The following NDST3 variants were observed in gnomAD, a reference collection of about 807,000 sequenced individuals.
The protein encoded by NDST3 is bifunctional heparan sulfate N-deacetylase/N-sulfotransferase 3.
In NDST3, 58 loss-of-function variants were observed where a neutral mutation model predicts 96.1. The ratio of observed to expected loss-of-function variants is 0.60; its 90% CI spans 0.49 to 0.75. The LOEUF is 0.75. Among genes scored for constraint, NDST3 ranks in the 30% least tolerant of loss-of-function variants. The probability of loss-of-function intolerance (pLI) is 0.00; values close to 1 mark genes in which losing one functional copy is unlikely to be tolerated. For missense variants in NDST3, 788 were observed against 1,034.2 expected, an observed-to-expected ratio of 0.76 and a Z score of 3.27; for synonymous variants, 333 against 359.7, an observed-to-expected ratio of 0.93 and a Z score of 0.84.
At chr4:118,141,453 T>A (rs1025696089) in intron 5 of NDST3, among the ~76,000 whole-genome samples, 45 of 152,274 alleles carry the variant, frequency 3.0e-4, no homozygotes, top group African/African-American at 1.1e-3. Flanking sequence ...CTCTATGGGG[T>A]TCATACCCTC....
At chr4:118,202,087 G>A (rs35760279) in intron 6 of NDST3, among the ~76,000 whole-genome samples, 78,565 of 152,026 alleles carry the variant, frequency 0.52, 24,184 homozygotes, top group East Asian at 0.74. Context: ...TTGAAGATCA[G>A]ATTGTGGTAG....
chr4:118,067,393 T>C (rs1726680165), intron 2 of NDST3, among the ~76,000 whole-genome samples: 1 of 152,088 alleles, frequency 6.6e-6, no homozygotes, highest in Non-Finnish European at 1.5e-5. Flanking sequence ...TCCCAGTCTA[T>C]GTCATTTCTT....
At chr4:118,201,111 A>G (rs1343640857) in intron 6 of NDST3, among the ~76,000 whole-genome samples, 1 of 152,228 alleles carries the variant, frequency 6.6e-6, no homozygotes, top group African/African-American at 2.4e-5. Context: ...TGCAAAGGCC[A>G]TGATTTCATT....
chr4:118,053,955 C>A lies in NDST3; in HGVS notation c.45C>A (p.Val15=). The A allele has an allele frequency of 6.2e-7, 1 of 1,611,428 alleles. No individual in the cohort carries two copies. The highest frequency in any genetic ancestry group is 1.1e-5 in the South Asian group (1 of 90,732). Residue 15 remains valine, a synonymous_variant, in exon 2 of 14, where the codon GTC becomes GTA. Transcript: ENST00000296499. ...MKLHRHFQRT[V]ILLATFCMVS... ...TTCACAGACACTTTCAAAGAACAGTCATTCTGCTTGCCACTTTTTGTATGG... is the reference window on the plus strand; with the variant it reads ...TTCACAGACACTTTCAAAGAACAGTAATTCTGCTTGCCACTTTTTGTATGG...
At chr4:118,173,440 T>G (rs1036367308) in intron 6 of NDST3, among the ~76,000 whole-genome samples, 1 of 152,124 alleles carries the variant, frequency 6.6e-6, no homozygotes, top group African/African-American at 2.4e-5. Flanking sequence ...TCCTAAGGGA[T>G]GTAGTATACA....
intron 10 of NDST3, among the ~76,000 whole-genome samples, chr4:118,238,786 G>A (rs900465939): frequency 1.3e-5 from 2 of 152,148 alleles, no homozygotes; most frequent in Non-Finnish European, 2.9e-5. Context: ...AGACTCCTTC[G>A]GAATGACAAA....
At chr4:118,234,858 C>A (rs1262516051) in intron 9 of NDST3, among the ~76,000 whole-genome samples, 1 of 151,748 alleles carries the variant, frequency 6.6e-6, no homozygotes, top group Non-Finnish European at 1.5e-5. Flanking sequence ...GGCAAAACCC[C>A]GTCTCTACTA....
intron 5 of NDST3, among the ~76,000 whole-genome samples, chr4:118,142,992 T>C (rs1207899127): frequency 3.9e-5 from 6 of 152,182 alleles, no homozygotes; most frequent in Admixed American, 3.9e-4. Flanking sequence ...ACACTTAGAA[T>C]CTGAGGTAAT....
In NDST3 at chr4:118,169,609, C is replaced by T. The variant is rs768529783; in HGVS notation, c.1539+25925C>T. Among the ~76,000 whole-genome samples the T allele has an allele frequency of 3.3e-5, 5 of 152,156 alleles. No homozygotes were observed. In the South Asian group the frequency reaches 1.0e-3, roughly 32 times the overall value. On this transcript the variant is annotated intron_variant, in intron 6 of 13. Transcript: ENST00000296499. ...AGGAGTTTGAAACTAGCCTGGCCAA[C>T]ATGGCAAAACCCCGTCTTTACTAAA...
chr4:118,109,070 T>C (rs1730434882), intron 3 of NDST3, among the ~76,000 whole-genome samples: 1 of 152,068 alleles, frequency 6.6e-6, no homozygotes, highest in Admixed American at 6.6e-5. Flanking sequence ...TGTGCAGAGG[T>C]TTAGTTCATC....
intron 2 of NDST3, among the ~76,000 whole-genome samples, chr4:118,072,737 T>A (rs1164750384): frequency 6.6e-6 from 1 of 152,070 alleles, no homozygotes; most frequent in Non-Finnish European, 1.5e-5. Flanking sequence ...TTGCCTGATT[T>A]CTCTGGATAG....
intron 5 of NDST3, among the ~76,000 whole-genome samples, chr4:118,138,699 T>A (rs1733327227): frequency 6.6e-6 from 1 of 152,188 alleles, no homozygotes; most frequent in South Asian, 2.1e-4. Context: ...AAGCCCTGCA[T>A]AATCATTAAC....
chr4:118,206,254 A>C (rs1738437211), intron 6 of NDST3, among the ~76,000 whole-genome samples: 1 of 144,666 alleles, frequency 6.9e-6, no homozygotes, highest in Admixed American at 6.8e-5. Flanking sequence ...ATCTAAACCA[A>C]AATCCAGTTA....
intron 4 of NDST3, among the ~76,000 whole-genome samples, chr4:118,127,008 A>G (rs1202886288): frequency 6.6e-6 from 1 of 151,962 alleles, no homozygotes; most frequent in African/African-American, 2.4e-5. Context: ...AGAAATGTCT[A>G]TTCAAGCCCT....
At chr4:118,208,873 C>A (rs1738609253) in intron 6 of NDST3, among the ~76,000 whole-genome samples, 1 of 144,236 alleles carries the variant, frequency 6.9e-6, no homozygotes, top group South Asian at 2.3e-4. Context: ...CTTTTTCAAA[C>A]CCAGCATTTT....
intron 6 of NDST3, among the ~76,000 whole-genome samples, chr4:118,184,659 T>C (rs1018497359): frequency 1.3e-5 from 2 of 151,710 alleles, no homozygotes; most frequent in East Asian, 1.9e-4. Flanking sequence ...TCTGTCTCTG[T>C]TGGTTCTGTT....
At chr4:118,065,243 C>T (rs543237532) in intron 2 of NDST3, among the ~76,000 whole-genome samples, 1 of 152,234 alleles carries the variant, frequency 6.6e-6, no homozygotes, top group East Asian at 1.9e-4. Context: ...CCGCAAGAAA[C>T]TCTGCTACTC....
intron 12 of NDST3, among the ~76,000 whole-genome samples, chr4:118,247,485 G>A (rs916893667): frequency 2.6e-5 from 4 of 152,110 alleles, no homozygotes; most frequent in Non-Finnish European, 2.9e-5. Context: ...CCAGGAGGTG[G>A]AGGTTGCAGT....
chr4:118,199,405 T>A (rs1737918718), intron 6 of NDST3, among the ~76,000 whole-genome samples: 1 of 152,208 alleles, frequency 6.6e-6, no homozygotes, highest in Non-Finnish European at 1.5e-5. Context: ...TGCATGATCC[T>A]TTTTAATTAT....
Sources: allele counts gnomAD v4.1 joint callset (sites outside exome capture counted in the v4.1 genomes callset), GRCh38; gene constraint gnomAD v4.1.1; transcripts MANE v1.5; gene names NCBI Gene and HGNC (gene_info 2026-07-23, HGNC 2026-07-21).